The following SLC4A10 variants were observed in gnomAD, a reference collection of about 807,000 sequenced individuals.
SLC4A10 encodes sodium-driven chloride bicarbonate exchanger.
A neutral mutation model predicts 137.7 loss-of-function variants in SLC4A10; 42 were observed. The observed-to-expected ratio is 0.30, with a 90% CI of 0.24 to 0.39. The LOEUF is 0.39. Among genes scored for constraint, SLC4A10 ranks in the 10% least tolerant of loss-of-function variants. The pLI is 1.00. For synonymous variants in SLC4A10, 474 were observed against 464.1 expected, an observed-to-expected ratio of 1.02 and a Z score of -0.27; for missense variants, 925 against 1,355.0, an observed-to-expected ratio of 0.68 and a Z score of 4.98.
intron 15 of SLC4A10, among the ~76,000 whole-genome samples, chr2:161,928,667 A>G (rs1406626003): frequency 6.6e-6 from 1 of 150,448 alleles, no homozygotes; most frequent in Non-Finnish European, 1.5e-5. Flanking sequence ...AAAAAAAAAA[A>G]AGTAGGAGTT....
rs75149343 is a variant in SLC4A10, at chr2:161,736,159, C to G, written c.49-34814C>G. Among the ~76,000 whole-genome samples, 97 of 151,792 alleles carry G rather than the reference C, an allele frequency of 6.4e-4. 1 individual carries two copies. The East Asian group carries it at 0.017, about 27-fold the overall frequency. On this transcript the variant is annotated intron_variant, in intron 1 of 26. Coordinates refer to ENST00000446997, the MANE Select transcript of SLC4A10 (RefSeq NM_001178015.2). ...TATTTTTTCTTTTTAGATGATTAATCTTTTATTTATCTGTTTTATTGCCCT... is the reference window on the plus strand; with the variant it reads ...TATTTTTTCTTTTTAGATGATTAATGTTTTATTTATCTGTTTTATTGCCCT...
At chr2:161,957,375 T>C in intron 20 of SLC4A10, 135 bp downstream of exon 20, 2 of 1,058,302 alleles carry the variant, frequency 1.9e-6, no homozygotes. Context: ...CTGAACCATG[T>C]TTATATAATT....
intron 16 of SLC4A10, among the ~76,000 whole-genome samples, chr2:161,945,182 G>GTGTGTGTA (rs1185711774): frequency 1.1e-5 from 1 of 88,860 alleles, no homozygotes; most frequent in South Asian, 3.7e-4. Context: ...AAGTTTGTGT[G>GTGTGTGTA]TATATATATA....
chr2:161,709,062 T>TG (rs2044005788), intron 1 of SLC4A10, among the ~76,000 whole-genome samples: 1 of 151,146 alleles, frequency 6.6e-6, no homozygotes, highest in African/African-American at 2.4e-5. Flanking sequence ...TTTAGCTTTT[T>TG]GGGGGAGAGG....
chr2:161,922,586 A>G (rs1471326580), intron 15 of SLC4A10, among the ~76,000 whole-genome samples: 4 of 152,184 alleles, frequency 2.6e-5, no homozygotes, highest in Non-Finnish European at 5.9e-5. Context: ...GCTATGTAAA[A>G]AAGGAATAAA....
chr2:161,981,892 A>G (rs1373441253), intron 26 of SLC4A10, among the ~76,000 whole-genome samples: 1 of 152,210 alleles, frequency 6.6e-6, no homozygotes, highest in East Asian at 1.9e-4. Context: ...CGTGCCACAG[A>G]TGGCAGAAGC....
chr2:161,879,253 G>C lies in SLC4A10; in HGVS notation c.1071G>C (p.Leu357Phe), dbSNP rs755730225. ...VAFVRLSPAV[L>F]LQGLAEVPIP... ...TTGTCAGGTTGTCTCCAGCTGTATTGCTTCAAGGACTGGCTGAAGTCCCAA... is the reference window on the plus strand; with the variant it reads ...TTGTCAGGTTGTCTCCAGCTGTATTCCTTCAAGGACTGGCTGAAGTCCCAA... The change falls in exon 9 of 27, where the codon TTG (leucine) becomes TTC (phenylalanine). Residue 357 changes from leucine (L) to phenylalanine (F), a missense_variant. This residue lies in a region of SLC4A10 where 277 missense variants were observed against 306.1 expected (regional missense o/e 0.90). Transcript: ENST00000446997. The C allele has an allele frequency of 6.2e-7, 1 of 1,612,626 alleles. No individual in the cohort carries two copies. Among genetic ancestry groups the C allele is most frequent in the African/African-American group, 1.3e-5 (1 of 74,864 alleles).
At chr2:161,734,524 G>A (rs941587386) in intron 1 of SLC4A10, among the ~76,000 whole-genome samples, 18 of 151,176 alleles carry the variant, frequency 1.2e-4, no homozygotes, top group African/African-American at 4.4e-4. Context: ...CCCAGTCTCG[G>A]GTATGTTTTT....
intron 1 of SLC4A10, among the ~76,000 whole-genome samples, chr2:161,768,972 C>A (rs912205164): frequency 1.1e-4 from 16 of 152,048 alleles, no homozygotes; most frequent in Admixed American, 5.9e-4. Flanking sequence ...GTGAAAGATG[C>A]ATCTTCTGGG....
rs1265863249 is a variant in SLC4A10 at position 161,735,556 on chromosome 2, G to T, written c.49-35417G>T. Reference sequence around the variant, plus strand: ...CTAATGCCTTCCCCAGTCATGCTGGGTCTTAAATAACTATATGGCATCCAG... The same window carrying T: ...CTAATGCCTTCCCCAGTCATGCTGGTTCTTAAATAACTATATGGCATCCAG... On this transcript the variant is annotated intron_variant, in intron 1 of 26. Transcript: ENST00000446997. Among the ~76,000 whole-genome samples, 4 of 152,206 alleles carry T rather than the reference G, an allele frequency of 2.6e-5. No homozygotes were observed. In the East Asian group the frequency reaches 7.7e-4, roughly 29 times the overall value.
At chr2:161,640,648 C>A (rs2035174649) in intron 1 of SLC4A10, among the ~76,000 whole-genome samples, 1 of 110,052 alleles carries the variant, frequency 9.1e-6, no homozygotes, top group Non-Finnish European at 2.0e-5. Context: ...TTCCTTCCTT[C>A]CTTCCTTCCT....
intron 1 of SLC4A10, among the ~76,000 whole-genome samples, chr2:161,748,756 T>A (rs1320650742): frequency 6.6e-6 from 1 of 152,106 alleles, no homozygotes; most frequent in Non-Finnish European, 1.5e-5. Flanking sequence ...TTTCCTTGGC[T>A]ATTTGTGGTC....
intron 1 of SLC4A10, among the ~76,000 whole-genome samples, chr2:161,757,369 T>C (rs2125337081): frequency 6.6e-6 from 1 of 152,334 alleles, no homozygotes; most frequent in South Asian, 2.1e-4. Flanking sequence ...ATTAAGCTCC[T>C]GATTCTTCAT....
intron 1 of SLC4A10, among the ~76,000 whole-genome samples, chr2:161,705,076 C>A (rs1475796300): frequency 2.0e-5 from 3 of 151,428 alleles, no homozygotes; most frequent in Non-Finnish European, 4.4e-5. Flanking sequence ...AAGGTAAAAT[C>A]TTTATGATAA....
At chr2:161,902,961 C>T (rs1683456517) in intron 12 of SLC4A10, among the ~76,000 whole-genome samples, 1 of 152,072 alleles carries the variant, frequency 6.6e-6, no homozygotes, top group African/African-American at 2.4e-5. Flanking sequence ...AGATTTTTCA[C>T]CACTGACATT....
At chr2:161,703,722 A>G (rs917657654) in intron 1 of SLC4A10, among the ~76,000 whole-genome samples, 5 of 151,738 alleles carry the variant, frequency 3.3e-5, no homozygotes, top group Non-Finnish European at 7.4e-5. Context: ...AGTAAAAAGA[A>G]GAAATGATGT....
intron 1 of SLC4A10, among the ~76,000 whole-genome samples, chr2:161,656,107 C>A (rs1016166565): frequency 6.6e-6 from 1 of 152,114 alleles, no homozygotes; most frequent in African/African-American, 2.4e-5. Flanking sequence ...CCACCAGGCC[C>A]AGCCAAAAAT....
intron 1 of SLC4A10, among the ~76,000 whole-genome samples, chr2:161,740,658 G>T (rs1574683798): frequency 6.6e-6 from 1 of 152,236 alleles, no homozygotes; most frequent in Non-Finnish European, 1.5e-5. Context: ...ATGGCACAGA[G>T]AATTTCTTCA....
intron 1 of SLC4A10, among the ~76,000 whole-genome samples, chr2:161,633,614 T>C (rs2033944634): frequency 6.6e-6 from 1 of 151,774 alleles, no homozygotes; most frequent in African/African-American, 2.4e-5. Context: ...TTTAGACTAA[T>C]GACTCAGTAA....
Sources: allele counts gnomAD v4.1 joint callset (sites outside exome capture counted in the v4.1 genomes callset), GRCh38; gene constraint gnomAD v4.1.1; regional missense constraint gnomAD v4.1.1; transcripts MANE v1.5; gene names NCBI Gene and HGNC (gene_info 2026-07-23, HGNC 2026-07-21).